CADPS2: variants seen among roughly 807,000 people sequenced by gnomAD.
CADPS2 encodes calcium dependent secretion activator 2, also known as calcium-dependent secretion activator 2.
A neutral mutation model predicts 172.5 loss-of-function variants in CADPS2; 93 were observed. The observed-to-expected ratio is 0.54, with a 90% confidence interval of 0.46 to 0.64. The LOEUF is 0.64. CADPS2 is among the 30% of genes least tolerant of loss of function. CADPS2 has a pLI of 0.00. For missense variants in CADPS2, 1,420 were observed against 1,565.9 expected (o/e 0.91, Z 1.57); for synonymous variants, 546 against 555.2 (o/e 0.98, Z 0.23).
At chr7:122,498,703 T>C (rs1464112149) in intron 9 of CADPS2, among the ~76,000 whole-genome samples, 1 of 152,164 alleles carries the variant, frequency 6.6e-6, no homozygotes. Context: ...TTCTATATGA[T>C]CCTTTTCCAA....
intron 3 of CADPS2, among the ~76,000 whole-genome samples, chr7:122,645,323 GTACATA>G (rs2078230749): frequency 8.7e-6 from 1 of 114,552 alleles, no homozygotes; most frequent in Non-Finnish European, 2.0e-5. Context: ...GTGTATACAT[GTACATA>G]TATACACACA....
At chr7:122,799,652 A>G (rs1250148390) in intron 1 of CADPS2, among the ~76,000 whole-genome samples, 1 of 151,772 alleles carries the variant, frequency 6.6e-6, no homozygotes, top group Non-Finnish European at 1.5e-5. Context: ...GAATGCAATT[A>G]ACCTAAATAA....
At chr7:122,862,237 C>T (rs1273960234) in intron 1 of CADPS2, among the ~76,000 whole-genome samples, 1 of 152,238 alleles carries the variant, frequency 6.6e-6, no homozygotes, top group East Asian at 1.9e-4. Flanking sequence ...TCAGACAAAA[C>T]ATCCCAGTCT....
At chr7:122,532,520 C>T (rs1036056697) in intron 8 of CADPS2, among the ~76,000 whole-genome samples, 4 of 151,838 alleles carry the variant, frequency 2.6e-5, no homozygotes, top group Non-Finnish European at 5.9e-5. Flanking sequence ...TGCCGCACTC[C>T]GACCTCTCCC....
chr7:122,412,304 A>G (rs2047406046), intron 19 of CADPS2, among the ~76,000 whole-genome samples: 1 of 152,232 alleles, frequency 6.6e-6, no homozygotes, highest in Non-Finnish European at 1.5e-5. Flanking sequence ...GATTTTGTTC[A>G]TGGTCAATTA....
chr7:122,528,632 A>T (rs1365448958), intron 8 of CADPS2, among the ~76,000 whole-genome samples: 1 of 152,104 alleles, frequency 6.6e-6, no homozygotes, highest in Non-Finnish European at 1.5e-5. Context: ...TTTTAACTTA[A>T]AGCTTAAGAA....
intron 12 of CADPS2, among the ~76,000 whole-genome samples, chr7:122,479,607 A>T (rs2057063180): frequency 2.0e-5 from 3 of 152,208 alleles, no homozygotes; most frequent in Admixed American, 6.5e-5. Flanking sequence ...ATATGAATTA[A>T]CACATCTTGC....
chr7:122,705,711 T>C (rs867470799), intron 2 of CADPS2, among the ~76,000 whole-genome samples: 9 of 21,430 alleles, frequency 4.2e-4, no homozygotes, highest in African/African-American at 9.5e-4. Flanking sequence ...ATATATCATA[T>C]ATTATATAAT....
chr7:122,709,255 C>T (rs1009370092), intron 2 of CADPS2, among the ~76,000 whole-genome samples: 1 of 152,082 alleles, frequency 6.6e-6, no homozygotes, highest in African/African-American at 2.4e-5. Context: ...AGGATATGAA[C>T]AGACACTTCT....
chr7:122,644,466 C>A (rs762321087), intron 3 of CADPS2, among the ~76,000 whole-genome samples: 5 of 152,128 alleles, frequency 3.3e-5, no homozygotes, highest in Non-Finnish European at 7.3e-5. Flanking sequence ...TACTGTGCAA[C>A]TTTTCAGGTA....
intron 8 of CADPS2, among the ~76,000 whole-genome samples, chr7:122,530,374 G>A: frequency 6.9e-6 from 1 of 145,516 alleles, no homozygotes; most frequent in African/African-American, 2.5e-5. Flanking sequence ...CTATCTGAAA[G>A]TAAAAACAAA....
Position 122,336,407 on chromosome 7 carries a change from C to T in CADPS2, c.3612+9167G>A, listed in dbSNP as rs78473951. ...TGTTCTATGAAAACATTGCAGTGAT[C>T]AACTGATAGAAATGCTGGTCTCAGG... On this transcript the variant is annotated intron_variant, in intron 28 of 29. Coordinates refer to ENST00000449022, the MANE Select transcript of CADPS2 (RefSeq NM_017954.11). Among the ~76,000 whole-genome samples the T allele has an allele frequency of 8.2e-3, 1,245 of 152,216 alleles. 8 individuals carry two copies. Among genetic ancestry groups the T allele is most frequent in the Non-Finnish European group, 0.011 (738 of 68,004 alleles).
At chr7:122,688,266 T>C (rs1300473643) in intron 2 of CADPS2, among the ~76,000 whole-genome samples, 1 of 152,234 alleles carries the variant, frequency 6.6e-6, no homozygotes, top group African/African-American at 2.4e-5. Flanking sequence ...AAAAATGAAG[T>C]AGAAAATTCA....
At chr7:122,558,079 GAT>G (rs2065255534) in intron 7 of CADPS2, among the ~76,000 whole-genome samples, 1 of 152,110 alleles carries the variant, frequency 6.6e-6, no homozygotes, top group Admixed American at 6.5e-5. Context: ...TTACAAACCT[GAT>G]ATTATTTTGA....
At chr7:122,590,126 T>C (rs2070534918) in intron 6 of CADPS2, among the ~76,000 whole-genome samples, 1 of 151,714 alleles carries the variant, frequency 6.6e-6, no homozygotes, top group Admixed American at 6.6e-5. Context: ...ATAAGGAATC[T>C]CTAGGGACTC....
chr7:122,364,322 TTGCTTG>T (rs558848982), intron 25 of CADPS2, among the ~76,000 whole-genome samples: 64 of 150,166 alleles, frequency 4.3e-4, no homozygotes, highest in Non-Finnish European at 6.6e-4. Context: ...GGTGGGAGGA[TTGCTTG>T]TGCCCAGGAG....
intron 21 of CADPS2, 58 bp downstream of exon 21, chr7:122,393,383 G>C: frequency 6.2e-7 from 1 of 1,613,090 alleles, no homozygotes; most frequent in Admixed American, 1.7e-5. Flanking sequence ...CATGTGTGAA[G>C]TCATAAGGTC....
At chr7:122,670,194 A>C (rs2081655008) in intron 2 of CADPS2, among the ~76,000 whole-genome samples, 1 of 151,952 alleles carries the variant, frequency 6.6e-6, no homozygotes, top group Non-Finnish European at 1.5e-5. Context: ...ATATATAAAC[A>C]CTGATCATTT....
intron 1 of CADPS2, among the ~76,000 whole-genome samples, chr7:122,875,474 AAGAT>A (rs1464366068): frequency 2.6e-5 from 4 of 152,208 alleles, no homozygotes; most frequent in Non-Finnish European, 4.4e-5. Flanking sequence ...AGACAAAAAT[AAGAT>A]AGGAATGATT....
Sources: allele counts gnomAD v4.1 joint callset (sites outside exome capture counted in the v4.1 genomes callset), GRCh38; gene constraint gnomAD v4.1.1; transcripts MANE v1.5; gene names NCBI Gene and HGNC (gene_info 2026-07-23, HGNC 2026-07-21).